The following CEP128 variants were observed in gnomAD, a reference collection of about 807,000 sequenced individuals.
CEP128 encodes the protein centrosomal protein 128kDa.
In CEP128, 132 loss-of-function variants were observed where a neutral mutation model predicts 156.7. That is an observed-to-expected ratio of 0.84 (90% CI 0.73 to 0.97). The LOEUF (loss-of-function observed/expected upper bound fraction) is 0.97. Ranked by LOEUF, CEP128 falls within the 50% of genes least tolerant of loss-of-function variation. The probability of loss-of-function intolerance (pLI) is 0.00; values close to 1 mark genes in which losing one functional copy is unlikely to be tolerated. For synonymous variants in CEP128, 469 were observed against 448.9 expected, an observed-to-expected ratio of 1.04 and a Z score of -0.57; for missense variants, 1,252 against 1,281.9, an observed-to-expected ratio of 0.98 and a Z score of 0.36.
intron 21 of CEP128, among the ~76,000 whole-genome samples, chr14:80,558,950 A>G (rs982034698): frequency 6.6e-6 from 1 of 152,210 alleles, no homozygotes; most frequent in African/African-American, 2.4e-5. Context: ...TTTCTTATCA[A>G]CCAATCCTCT....
intron 23 of CEP128, among the ~76,000 whole-genome samples, chr14:80,516,040 G>A (rs1888471160): frequency 1.3e-5 from 2 of 152,190 alleles, no homozygotes; most frequent in South Asian, 2.1e-4. Context: ...TAACTTTTTT[G>A]TATTTTTAGT....
intron 6 of CEP128, among the ~76,000 whole-genome samples, chr14:80,902,521 T>C: frequency 6.6e-6 from 1 of 152,182 alleles, no homozygotes; most frequent in East Asian, 1.9e-4. Flanking sequence ...TACCTAATCC[T>C]AAAACTACCA....
intron 18 of CEP128, among the ~76,000 whole-genome samples, chr14:80,748,966 G>A (rs1428952860): frequency 3.3e-5 from 5 of 152,102 alleles, no homozygotes; most frequent in African/African-American, 4.8e-5. Context: ...TGACTAGAGA[G>A]CCCTTGGATC....
chr14:80,726,083 CA>C (rs11342739), intron 19 of CEP128, among the ~76,000 whole-genome samples: 11,454 of 152,160 alleles, frequency 0.075, 1,443 homozygotes, highest in African/African-American at 0.26. Context: ...TCCCCCAAAA[CA>C]GAGGTACTTG....
chr14:80,804,312 G>A (rs1262937750), intron 13 of CEP128, among the ~76,000 whole-genome samples: 1 of 152,004 alleles, frequency 6.6e-6, no homozygotes, highest in African/African-American at 2.4e-5. Flanking sequence ...ACAGTACAGT[G>A]AAAAGTAGCA....
intron 23 of CEP128, among the ~76,000 whole-genome samples, chr14:80,524,215 TTTG>T (rs771974155): frequency 2.1e-4 from 32 of 152,324 alleles, no homozygotes; most frequent in Middle Eastern, 3.4e-3. Context: ...GTACAGTATG[TTTG>T]TTGCATTAAA....
At chr14:80,647,126 T>TACACACACACAC (rs1303390846) in intron 19 of CEP128, among the ~76,000 whole-genome samples, 1 of 88,100 alleles carries the variant, frequency 1.1e-5, no homozygotes, top group African/African-American at 3.7e-5. Context: ...CACACACACA[T>TACACACACACAC]ACACACACAC....
At chr14:80,624,911 T>A (rs1283693859) in intron 19 of CEP128, among the ~76,000 whole-genome samples, 6 of 152,178 alleles carry the variant, frequency 3.9e-5, no homozygotes, top group Non-Finnish European at 8.8e-5. Flanking sequence ...TGCAGAAAAT[T>A]TTCAGTTTGA....
intron 19 of CEP128, among the ~76,000 whole-genome samples, chr14:80,661,470 T>C (rs1227142042): frequency 1.3e-5 from 2 of 152,074 alleles, no homozygotes; most frequent in Non-Finnish European, 2.9e-5. Flanking sequence ...ACAGTTCTGA[T>C]TGCGATAGAG....
chr14:80,498,712 A>G (rs1046156415), intron 24 of CEP128, among the ~76,000 whole-genome samples: 2 of 152,290 alleles, frequency 1.3e-5, no homozygotes, highest in Non-Finnish European at 2.9e-5. Context: ...TCACCTTTAT[A>G]GCACCAATCA....
chr14:80,688,209 T>C (rs114509807), intron 19 of CEP128, among the ~76,000 whole-genome samples: 11,322 of 152,214 alleles, frequency 0.074, 585 homozygotes, highest in South Asian at 0.23. Context: ...ATTTTATTAA[T>C]TTTATTTAAA....
rs1894035317 is a variant in CEP128 at position 80,633,181 on chromosome 14, T to C, written c.2807-52758A>G. Among the ~76,000 whole-genome samples, 3 of 152,030 alleles carry C rather than the reference T, an allele frequency of 2.0e-5. No homozygotes were observed. The South Asian group carries it at 6.2e-4, about 32-fold the overall frequency. On this transcript the variant is annotated intron_variant, in intron 19 of 24. Coordinates refer to ENST00000555265, the MANE Select transcript of CEP128 (RefSeq NM_152446.5). ...GGTCAAGGTTGCCTTGAGCCGTGAC[T>C]GCCACCACTACACTCCAATCTGGGT...
chr14:80,501,843 T>C (rs1304248395), intron 24 of CEP128, among the ~76,000 whole-genome samples: 1 of 151,608 alleles, frequency 6.6e-6, no homozygotes, highest in Middle Eastern at 3.2e-3. Context: ...CTGCCCAAAT[T>C]GAGGACTAGC....
At chr14:80,654,147 T>C (rs1274586209) in intron 19 of CEP128, among the ~76,000 whole-genome samples, 1 of 152,138 alleles carries the variant, frequency 6.6e-6, no homozygotes, top group African/African-American at 2.4e-5. Flanking sequence ...TTGTGACTCG[T>C]GAATCCCTGC....
chr14:80,689,840 A>T (rs1018756286), intron 19 of CEP128, among the ~76,000 whole-genome samples: 5 of 150,620 alleles, frequency 3.3e-5, no homozygotes, highest in Non-Finnish European at 5.9e-5. Flanking sequence ...ATGAATTAAA[A>T]CATATATAAT....
intron 16 of CEP128, among the ~76,000 whole-genome samples, chr14:80,777,025 C>G (rs578192794): frequency 6.6e-6 from 1 of 152,116 alleles, no homozygotes; most frequent in Non-Finnish European, 1.5e-5. Context: ...AAAGTTACAA[C>G]CTTCTTACCA....
intron 24 of CEP128, among the ~76,000 whole-genome samples, chr14:80,499,397 A>C (rs1887636847): frequency 6.6e-6 from 1 of 152,258 alleles, no homozygotes; most frequent in Non-Finnish European, 1.5e-5. Flanking sequence ...AAACTGAGGT[A>C]AGAAAGTGAA....
At chr14:80,584,608 G>A (rs146535895) in intron 19 of CEP128, among the ~76,000 whole-genome samples, 8 of 152,246 alleles carry the variant, frequency 5.3e-5, no homozygotes, top group African/African-American at 1.7e-4. Context: ...TGATGAACAC[G>A]GTTATTAACC....
At chr14:80,561,248 T>C (rs929878799) in intron 20 of CEP128, among the ~76,000 whole-genome samples, 27 of 152,234 alleles carry the variant, frequency 1.8e-4, no homozygotes, top group Middle Eastern at 3.2e-3. Flanking sequence ...TCTAGCAATA[T>C]AATCTGTTTA....
Sources: allele counts gnomAD v4.1 joint callset (sites outside exome capture counted in the v4.1 genomes callset), GRCh38; gene constraint gnomAD v4.1.1; transcripts MANE v1.5; gene names NCBI Gene and HGNC (gene_info 2026-07-23, HGNC 2026-07-21).